FAM199X: variants seen among roughly 807,000 people sequenced by gnomAD.
FAM199X encodes protein FAM199X.
Under a neutral mutation model 22.9 loss-of-function variants are expected in FAM199X, and 4 were observed. The observed-to-expected ratio is 0.17, with a 90% confidence interval of 0.09 to 0.40. The LOEUF (loss-of-function observed/expected upper bound fraction) is 0.40. Among genes scored for constraint, FAM199X ranks in the 10% least tolerant of loss-of-function variants. FAM199X has a pLI of 1.00. For synonymous variants in FAM199X, 101 were observed against 112.3 expected, an observed-to-expected ratio of 0.90 and a Z score of 0.64; for missense variants, 183 against 306.8, an observed-to-expected ratio of 0.60 and a Z score of 3.01.
At chrX:104,170,156 C>T (rs1165609710) in intron 1 of FAM199X, among the ~76,000 whole-genome samples, 1 of 112,417 alleles carries the variant, frequency 8.9e-6, no homozygotes, top group Non-Finnish European at 1.9e-5. Context: ...TTTCTCTTAG[C>T]ACTTCCAAAC....
At chrX:104,173,590 A>G (rs1321648742) in intron 1 of FAM199X, among the ~76,000 whole-genome samples, 1 of 112,044 alleles carries the variant, frequency 8.9e-6, no homozygotes, top group Non-Finnish European at 1.9e-5. Context: ...ATGAAGGATG[A>G]GACACGACCT....
upstream of FAM199X, among the ~76,000 whole-genome samples, chrX:104,163,340 G>A (rs1039439770): frequency 8.9e-6 from 1 of 111,962 alleles, no homozygotes; most frequent in African/African-American, 3.3e-5. Context: ...GATTACCCCA[G>A]GGTTTGCTCT....
At chrX:104,174,446 T>G (rs1465612729) in intron 1 of FAM199X, among the ~76,000 whole-genome samples, 2 of 111,502 alleles carry the variant, frequency 1.8e-5, no homozygotes, top group Non-Finnish European at 3.8e-5. Context: ...TTCAGAAAGG[T>G]GTTGACTAAA....
At chrX:104,187,124 C>G (rs1556379360) in intron 4 of FAM199X, among the ~76,000 whole-genome samples, 1 of 105,039 alleles carries the variant, frequency 9.5e-6, no homozygotes, top group African/African-American at 3.5e-5. Context: ...GAGACAGAGT[C>G]TCACTCTGGA....
chrX:104,169,870 G>C (rs377513679), intron 1 of FAM199X, among the ~76,000 whole-genome samples: 2 of 112,075 alleles, frequency 1.8e-5, no homozygotes, highest in Non-Finnish European at 3.8e-5. Context: ...GCCCGGCCCA[G>C]TATTCAAATT....
In FAM199X at chrX:104,192,385, G is replaced by A. The variant is rs1269016643; in HGVS notation, c.*2607G>A. 9.0e-6 allele frequency: 1 copy of A among 111,683 alleles called. No individual in the cohort carries two copies. The allele number at this position is 111,683 out of a possible 1,213,427, so 9.2% of individuals were successfully genotyped here. A position where few individuals can be genotyped will look rare whatever the true frequency, so the allele number is the denominator to read the frequency against. ...AAAAAGGCAAGACTTACTTGCTGTAGTATTGGTTCTCATCTGTAGAGAACT... is the reference window on the plus strand; with the variant it reads ...AAAAAGGCAAGACTTACTTGCTGTAATATTGGTTCTCATCTGTAGAGAACT... On this transcript the variant is annotated 3_prime_UTR_variant, in exon 6 of 6. Transcript: ENST00000493442.
intron 2 of FAM199X, among the ~76,000 whole-genome samples, chrX:104,180,495 T>G (rs1172468222): frequency 9.0e-6 from 1 of 110,973 alleles, no homozygotes; most frequent in African/African-American, 3.3e-5. Flanking sequence ...GCTTCTTCAC[T>G]CATGTTATGA....
At chrX:104,176,184 A>G (rs1333565863) in intron 2 of FAM199X, among the ~76,000 whole-genome samples, 8 of 112,219 alleles carry the variant, frequency 7.1e-5, no homozygotes, top group Non-Finnish European at 1.3e-4. Context: ...TTATAGGACA[A>G]ATATCAGTCA....
intron 2 of FAM199X, among the ~76,000 whole-genome samples, chrX:104,179,875 A>G (rs1479116678): frequency 9.0e-6 from 1 of 111,208 alleles, no homozygotes; most frequent in Non-Finnish European, 1.9e-5. Flanking sequence ...CTGGCCTCTC[A>G]TAAGGAGGTA....
intron 1 of FAM199X, among the ~76,000 whole-genome samples, chrX:104,168,398 T>G (rs1478020112): frequency 8.9e-6 from 1 of 112,543 alleles, no homozygotes; most frequent in Non-Finnish European, 1.9e-5. Context: ...ACTTATGGTT[T>G]CCTAGACCAA....
At position 104,193,597 on chromosome X, in the gene FAM199X, A is replaced by G. The variant is rs1921991052; in HGVS notation, c.*3819A>G. 9.0e-6 allele frequency: 1 copy of G among 111,259 alleles called. No individual in the cohort carries two copies. 9.2% of individuals were successfully genotyped at this position (111,259 alleles called of 1,213,427 possible). On this transcript the variant is annotated 3_prime_UTR_variant, in exon 6 of 6. Transcript: ENST00000493442. ...TTGTTTGGAATTGAAGGGTACTCGC[A>G]GTCCGTTTATAGTTTGGGACAATTA...
rs868941581 is a variant in FAM199X, at chrX:104,192,187, G to A, written c.*2409G>A. On this transcript the variant is annotated 3_prime_UTR_variant, in exon 6 of 6. Coordinates refer to ENST00000493442, the MANE Select transcript of FAM199X (RefSeq NM_207318.4). The stretch of plus-strand genomic sequence containing the variant: ...GCTCTTTGGTGTCTGTTCATGTGCT[G>A]TACATTTTTTCCGTTTTAATGTCTT... 9.0e-6 allele frequency: 1 copy of A among 111,672 alleles called. No homozygotes were observed. Among genetic ancestry groups the A allele is most frequent in the African/African-American group, 3.2e-5 (1 of 30,842 alleles). The allele number at this position is 111,672 out of a possible 1,213,427, so 9.2% of individuals were successfully genotyped here.
At chrX:104,164,113 C>A (rs1359265034), upstream of FAM199X, among the ~76,000 whole-genome samples, 1 of 112,745 alleles carries the variant, frequency 8.9e-6, no homozygotes, top group Non-Finnish European at 1.9e-5. Flanking sequence ...AGCAAATTTA[C>A]AAATTGTGCA....
chrX:104,163,973 C>T (rs1025196156), upstream of FAM199X, among the ~76,000 whole-genome samples: 5 of 111,299 alleles, frequency 4.5e-5, no homozygotes, highest in African/African-American at 1.6e-4. Flanking sequence ...TCGCCTGGGA[C>T]CTCTTTTTTT....
chrX:104,161,331 T>C, the FAM199X span, among the ~76,000 whole-genome samples: 1 of 112,228 alleles, frequency 8.9e-6, no homozygotes, highest in Non-Finnish European at 1.9e-5. Flanking sequence ...AAGATTTTCA[T>C]TAAAGCATAG....
chrX:104,158,277 A>G, the FAM199X span, among the ~76,000 whole-genome samples: 1 of 111,360 alleles, frequency 9.0e-6, no homozygotes, highest in Admixed American at 9.5e-5. Context: ...CACTAAGGCA[A>G]AGATCTCTCC....
chrX:104,189,044 A>G (rs1379060754), intron 5 of FAM199X, among the ~76,000 whole-genome samples: 2 of 111,829 alleles, frequency 1.8e-5, no homozygotes, highest in African/African-American at 6.5e-5. Context: ...ATTTCTCTAG[A>G]TATGTGGTCA....
intron 2 of FAM199X, among the ~76,000 whole-genome samples, chrX:104,185,606 CTTTTTTCTTT>C (rs1195329992): frequency 4.5e-5 from 5 of 111,273 alleles, no homozygotes; most frequent in Non-Finnish European, 7.5e-5. Flanking sequence ...TGCCATTAGT[CTTTTTTCTTT>C]TTTTTTCTTT....
chrX:104,176,154 A>C (rs1214631630), intron 2 of FAM199X, among the ~76,000 whole-genome samples: 1 of 112,124 alleles, frequency 8.9e-6, no homozygotes, highest in Non-Finnish European at 1.9e-5. Flanking sequence ...CCTACCCTAT[A>C]ATAAATAGCT....
Sources: allele counts gnomAD v4.1 joint callset (sites outside exome capture counted in the v4.1 genomes callset), GRCh38; gene constraint gnomAD v4.1.1; transcripts MANE v1.5; gene names NCBI Gene and HGNC (gene_info 2026-07-23, HGNC 2026-07-21).